The following PCDH15 variants were observed in gnomAD, a reference collection of about 807,000 sequenced individuals.
PCDH15 encodes the protein protocadherin-15.
Under a neutral mutation model 178.5 loss-of-function variants are expected in PCDH15, and 129 were observed. The observed-to-expected ratio is 0.72, with a 90% CI of 0.63 to 0.84. The LOEUF (loss-of-function observed/expected upper bound fraction) is 0.84. PCDH15 is among the 40% of genes least tolerant of loss of function. The pLI is 0.00. For missense variants in PCDH15, 2,230 were observed against 2,099.9 expected (o/e 1.06, Z -1.21); for synonymous variants, 800 against 732.0 (o/e 1.09, Z -1.50).
chr10:54,870,647 G>A (rs895433873), intron 3 of PCDH15, among the ~76,000 whole-genome samples: 8 of 152,012 alleles, frequency 5.3e-5, no homozygotes, highest in Admixed American at 2.6e-4. Flanking sequence ...TTAGCCGGGC[G>A]TGGTGGCGGG....
At chr10:53,846,889 C>T (rs1441773584) in intron 28 of PCDH15, among the ~76,000 whole-genome samples, 1 of 151,826 alleles carries the variant, frequency 6.6e-6, no homozygotes, top group Admixed American at 6.6e-5. Context: ...TTAAAATTAC[C>T]ATGTGATGAG....
rs565538415 is a variant in PCDH15 at position 53,848,625 on chromosome 10, A to G, written c.3807-8129T>C. Reference sequence around the variant, plus strand: ...AAGTGAATTTCACTTTTGAACATGAATAACCCCTTACCTTCAAATCTCAGG... The same window carrying G: ...AAGTGAATTTCACTTTTGAACATGAGTAACCCCTTACCTTCAAATCTCAGG... On this transcript the variant is annotated intron_variant, in intron 28 of 37. Transcript: ENST00000644397. Among the ~76,000 whole-genome samples the G allele has an allele frequency of 4.6e-5, 7 of 152,086 alleles. 1 individual carries two copies. The South Asian group carries it at 1.0e-3, about 23-fold the overall frequency.
intron 2 of PCDH15, among the ~76,000 whole-genome samples, chr10:55,023,514 GAAAT>G (rs1359222449): frequency 6.6e-6 from 1 of 152,042 alleles, no homozygotes; most frequent in East Asian, 1.9e-4. Flanking sequence ...AAGATGCTGT[GAAAT>G]AAACTAGTAT....
intron 25 of PCDH15, among the ~76,000 whole-genome samples, chr10:53,913,739 G>C (rs1311186458): frequency 6.7e-6 from 1 of 149,828 alleles, no homozygotes; most frequent in Non-Finnish European, 1.5e-5. Flanking sequence ...GCGAGACTCT[G>C]TCTCAAAAAA....
intron 2 of PCDH15, among the ~76,000 whole-genome samples, chr10:55,556,883 A>C (rs1486392125): frequency 1.3e-5 from 2 of 152,182 alleles, no homozygotes; most frequent in African/African-American, 4.8e-5. Context: ...CAACTAGTAA[A>C]GTTGAATATT....
chr10:55,494,433 AT>A (rs1367007968), intron 2 of PCDH15, among the ~76,000 whole-genome samples: 1 of 151,608 alleles, frequency 6.6e-6, no homozygotes, highest in Non-Finnish European at 1.5e-5. Context: ...TAATATATTC[AT>A]TTGTAATATT....
intron 2 of PCDH15, among the ~76,000 whole-genome samples, chr10:55,089,742 G>A (rs1842266123): frequency 6.6e-6 from 1 of 152,062 alleles, no homozygotes; most frequent in Non-Finnish European, 1.5e-5. Flanking sequence ...GTAAAATGGG[G>A]CTGTAGGTTA....
intron 15 of PCDH15, among the ~76,000 whole-genome samples, chr10:54,105,534 G>A (rs547491672): frequency 1.3e-5 from 2 of 152,088 alleles, no homozygotes; most frequent in East Asian, 1.9e-4. Context: ...ACAGGAGAAA[G>A]ATGTAGGCTG....
At chr10:54,271,836 T>C (rs2132503016) in intron 8 of PCDH15, among the ~76,000 whole-genome samples, 1 of 151,702 alleles carries the variant, frequency 6.6e-6, no homozygotes, top group Admixed American at 6.6e-5. Context: ...ATCTCATACA[T>C]CTTCATTTTA....
intron 8 of PCDH15, among the ~76,000 whole-genome samples, chr10:54,257,930 T>C (rs548811202): frequency 7.2e-5 from 11 of 152,244 alleles, no homozygotes; most frequent in African/African-American, 2.6e-4. Context: ...CTATTCACAG[T>C]CCTCTGCATG....
rs566282931 is a variant in PCDH15 at position 54,236,977 on chromosome 10, C to T, written c.877-46G>A. On this transcript the variant is annotated intron_variant, in intron 8 of 37. Coordinates refer to ENST00000644397, the MANE Select transcript of PCDH15 (RefSeq NM_001384140.1). ...GTTTCATTCAGCCGCATTACTAATA[C>T]TTCATGAAGGATTGAGACAGATGCT... The T allele has an allele frequency of 3.5e-6, 5 of 1,437,232 alleles. No homozygotes were observed. In the South Asian group the frequency reaches 5.7e-5, roughly 16 times the overall value. 89.0% of individuals were successfully genotyped at this position (1,437,232 alleles called of 1,614,324 possible).
At chr10:55,422,966 T>G (rs1013139207) in intron 2 of PCDH15, among the ~76,000 whole-genome samples, 10 of 151,860 alleles carry the variant, frequency 6.6e-5, no homozygotes, top group African/African-American at 2.4e-4. Context: ...GACCCCTTAC[T>G]CCACATAAAG....
chr10:54,778,828 A>G (rs1949975598), intron 1 of PCDH15, among the ~76,000 whole-genome samples: 1 of 152,164 alleles, frequency 6.6e-6, no homozygotes, highest in Non-Finnish European at 1.5e-5. Flanking sequence ...CGCTATTTAT[A>G]AAGAGGTTCA....
chr10:54,695,340 T>C (rs1047221380), intron 1 of PCDH15, among the ~76,000 whole-genome samples: 5 of 152,168 alleles, frequency 3.3e-5, no homozygotes, highest in African/African-American at 1.2e-4. Flanking sequence ...CTTAACTCTC[T>C]TAAATTCTGT....
intron 4 of PCDH15, among the ~76,000 whole-genome samples, chr10:54,374,561 G>A (rs1691255270): frequency 6.6e-6 from 1 of 151,956 alleles, no homozygotes; most frequent in African/African-American, 2.4e-5. Flanking sequence ...TTTATGTGAT[G>A]TGCCTTTATT....
At chr10:54,528,288 A>C in intron 2 of PCDH15, 1 of 1,139,384 alleles carries the variant, frequency 8.8e-7, no homozygotes, top group Non-Finnish European at 1.3e-6. Context: ...CTAATTAGAG[A>C]GAGTGAATAG....
rs763595687 is a variant in PCDH15 at position 54,109,134 on chromosome 10, T to C, written c.1918-19071A>G. Among the ~76,000 whole-genome samples the C allele has an allele frequency of 1.5e-4, 23 of 152,230 alleles. No individual in the cohort carries two copies. In the Middle Eastern group the frequency reaches 0.01, roughly 68 times the overall value. The stretch of plus-strand genomic sequence containing the variant: ...TGAGAAAACTCTTGCATGCTGTTCG[T>C]ATAAATGTAAATCAGTACAACTACT... On this transcript the variant is annotated intron_variant, in intron 15 of 37. Transcript: ENST00000644397.
At chr10:54,118,721 TAAACTA>T (rs1227717090) in intron 15 of PCDH15, among the ~76,000 whole-genome samples, 1 of 151,500 alleles carries the variant, frequency 6.6e-6, no homozygotes, top group African/African-American at 2.4e-5. Flanking sequence ...ATTAAATACT[TAAACTA>T]AAAACTAAAA....
chr10:54,069,165 A>G (rs942226374), intron 17 of PCDH15, among the ~76,000 whole-genome samples: 3 of 152,164 alleles, frequency 2.0e-5, no homozygotes, highest in Non-Finnish European at 4.4e-5. Flanking sequence ...AGACATTGAA[A>G]TTTACAGCCT....
Sources: allele counts gnomAD v4.1 joint callset (sites outside exome capture counted in the v4.1 genomes callset), GRCh38; gene constraint gnomAD v4.1.1; transcripts MANE v1.5; gene names NCBI Gene and HGNC (gene_info 2026-07-23, HGNC 2026-07-21).